The following SLCO6A1 variants were observed in gnomAD, a reference collection of about 807,000 sequenced individuals.
SLCO6A1 encodes the protein cancer/testis antigen 48.
In SLCO6A1, 65 loss-of-function variants were observed where a neutral mutation model predicts 72.7. The observed-to-expected ratio is 0.89, with a 90% CI of 0.73 to 1.10. SLCO6A1 has a LOEUF of 1.10. SLCO6A1 is among the 50% of genes least tolerant of loss of function. SLCO6A1 has a pLI of 0.00. For synonymous variants in SLCO6A1, 314 were observed against 298.2 expected, an observed-to-expected ratio of 1.05 and a Z score of -0.55; for missense variants, 874 against 872.6, an observed-to-expected ratio of 1.00 and a Z score of -0.02.
chr5:102,409,630 T>C (rs1275831119), intron 9 of SLCO6A1, among the ~76,000 whole-genome samples: 1 of 152,204 alleles, frequency 6.6e-6, no homozygotes, highest in African/African-American at 2.4e-5. Context: ...AGGCTAATTG[T>C]CCTATTAGGC....
chr5:102,494,034 T>C (rs1215214825), intron 1 of SLCO6A1, among the ~76,000 whole-genome samples: 2 of 152,156 alleles, frequency 1.3e-5, no homozygotes, highest in South Asian at 2.1e-4. Flanking sequence ...TTTTAATGCA[T>C]ATAATAAAGC....
intron 1 of SLCO6A1, among the ~76,000 whole-genome samples, chr5:102,491,445 G>A (rs902057458): frequency 1.3e-5 from 2 of 152,202 alleles, no homozygotes; most frequent in Non-Finnish European, 2.9e-5. Context: ...GCAGGGGGCG[G>A]CACTCGTTGG....
intron 12 of SLCO6A1, among the ~76,000 whole-genome samples, chr5:102,377,029 T>C (rs1177762829): frequency 6.6e-6 from 1 of 152,028 alleles, no homozygotes; most frequent in Non-Finnish European, 1.5e-5. Flanking sequence ...CCGGGCATGG[T>C]GGCATGGACC....
At chr5:102,424,074 A>G (rs1748756354) in intron 7 of SLCO6A1, among the ~76,000 whole-genome samples, 1 of 152,076 alleles carries the variant, frequency 6.6e-6, no homozygotes, top group African/African-American at 2.4e-5. Flanking sequence ...TTTAAAACCA[A>G]TGAGAACTAA....
intron 3 of SLCO6A1, among the ~76,000 whole-genome samples, chr5:102,476,106 G>T (rs759536516): frequency 6.6e-6 from 1 of 151,930 alleles, no homozygotes; most frequent in Non-Finnish European, 1.5e-5. Context: ...TGGGTATAGC[G>T]TACACTGCTT....
At chr5:102,404,304 G>C (rs1486148049) in intron 9 of SLCO6A1, among the ~76,000 whole-genome samples, 1 of 152,130 alleles carries the variant, frequency 6.6e-6, no homozygotes, top group Admixed American at 6.6e-5. Flanking sequence ...GACCATCCTG[G>C]CTAACATGGT....
chr5:102,399,341 AGTT>A (rs941041393), intron 10 of SLCO6A1, among the ~76,000 whole-genome samples: 4 of 152,116 alleles, frequency 2.6e-5, no homozygotes, highest in African/African-American at 9.7e-5. Flanking sequence ...TTTAAATTAA[AGTT>A]AAACAATGTG....
chr5:102,411,413 C>A (rs1374429196), intron 9 of SLCO6A1, among the ~76,000 whole-genome samples: 1 of 152,030 alleles, frequency 6.6e-6, no homozygotes, highest in Admixed American at 6.5e-5. Flanking sequence ...TACAGTCATG[C>A]ACCACCATGC....
rs187737131 is a variant in SLCO6A1, at chr5:102,429,710, C to T, written c.1276+8907G>A. On this transcript the variant is annotated intron_variant, in intron 7 of 13. Coordinates refer to ENST00000506729, the MANE Select transcript of SLCO6A1 (RefSeq NM_173488.5). ...GATGCTGTTTTGGTTACTGTAGCCCCGTAGTATAGTCTGAAGTTGGGTAAT... is the reference window on the plus strand; with the variant it reads ...GATGCTGTTTTGGTTACTGTAGCCCTGTAGTATAGTCTGAAGTTGGGTAAT... 3.1e-3 allele frequency among the ~76,000 whole-genome samples: 470 copies of T among 150,774 alleles called. 3 individuals are homozygous for T. Among genetic ancestry groups the T allele is most frequent in the African/African-American group, 0.011 (453 of 41,088 alleles).
chr5:102,493,558 A>AT (rs1422803577), intron 1 of SLCO6A1, among the ~76,000 whole-genome samples: 15 of 152,160 alleles, frequency 9.9e-5, no homozygotes, highest in Non-Finnish European at 1.9e-4. Context: ...GAAAGGCTGA[A>AT]TTTTTTCTAT....
intron 7 of SLCO6A1, among the ~76,000 whole-genome samples, chr5:102,434,662 G>C (rs1217759339): frequency 6.6e-6 from 1 of 152,168 alleles, no homozygotes; most frequent in Non-Finnish European, 1.5e-5. Context: ...TGCTAACAGA[G>C]ACGTGGCTTT....
At chr5:102,374,310 A>G (rs1580308579) in intron 12 of SLCO6A1, among the ~76,000 whole-genome samples, 1 of 152,112 alleles carries the variant, frequency 6.6e-6, no homozygotes, top group African/African-American at 2.4e-5. Context: ...TGCTTGGCCT[A>G]TTTTTCTTTT....
chr5:102,480,373 T>G lies in SLCO6A1; in HGVS notation c.420A>C (p.Lys140Asn), dbSNP rs776381244. The change falls in exon 2 of 14, where the codon AAA becomes AAC. Residue 140 changes from lysine to asparagine, a missense_variant. Transcript: ENST00000506729. Reference sequence around the variant, plus strand: ...TTTCCAATGCCAACTTCTCAATGGTTTTCAGTTGATATTCCTTCTGAAAAT... The same window carrying G: ...TTTCCAATGCCAACTTCTCAATGGTGTTCAGTTGATATTCCTTCTGAAAAT... Reference protein sequence around the residue: ...IGDFQKEYQLKTIEKLALEKS... With the variant: ...IGDFQKEYQLNTIEKLALEKS... 1 of 1,613,544 alleles carries G rather than the reference T, an allele frequency of 6.2e-7. No individual in the cohort carries two copies. Among genetic ancestry groups the G allele is most frequent in the Non-Finnish European group, 8.5e-7 (1 of 1,179,674 alleles).
At chr5:102,372,679 A>G (rs1274945780) in intron 13 of SLCO6A1, among the ~76,000 whole-genome samples, 2 of 151,222 alleles carry the variant, frequency 1.3e-5, no homozygotes, top group Admixed American at 6.6e-5. Flanking sequence ...ATCCAAGTGA[A>G]GGTAAAAAAA....
intron 1 of SLCO6A1, among the ~76,000 whole-genome samples, chr5:102,489,501 A>AT (rs912405826): frequency 7.2e-5 from 11 of 152,146 alleles, no homozygotes; most frequent in South Asian, 2.1e-4. Flanking sequence ...CATCAGATCT[A>AT]TTTTTTTTAA....
chr5:102,415,562 A>G (rs368752291), intron 8 of SLCO6A1, among the ~76,000 whole-genome samples: 21 of 152,146 alleles, frequency 1.4e-4, no homozygotes, highest in East Asian at 7.7e-4. Flanking sequence ...AGCACTCAAC[A>G]TGGATTAAAG....
At chr5:102,429,387 G>A (rs1749087233) in intron 7 of SLCO6A1, among the ~76,000 whole-genome samples, 1 of 152,158 alleles carries the variant, frequency 6.6e-6, no homozygotes, top group Admixed American at 6.5e-5. Flanking sequence ...CAGTTCCTAT[G>A]TGCAGAATGG....
intron 7 of SLCO6A1, among the ~76,000 whole-genome samples, chr5:102,435,267 G>A (rs1749465349): frequency 1.3e-5 from 2 of 152,108 alleles, no homozygotes; most frequent in African/African-American, 4.8e-5. Flanking sequence ...GTAAGCTTGT[G>A]GGTGGTACTC....
rs2123136 is a variant in SLCO6A1, at chr5:102,372,284, C to A, written c.*16-161G>T. 0.31 allele frequency among the ~76,000 whole-genome samples: 46,335 copies of A among 151,738 alleles called. 7,014 individuals are homozygous for A. Among genetic ancestry groups the A allele is most frequent in the African/African-American group, 0.33 (13,762 of 41,410 alleles). On this transcript the variant is annotated intron_variant, in intron 13 of 13. Coordinates refer to ENST00000506729, the MANE Select transcript of SLCO6A1 (RefSeq NM_173488.5). ...CCTGCTTCACATTTTCTTCTGCTAG[C>A]CACGACCATGAATAGGGCAATGTCT...
Sources: gnomAD v4.1 joint callset for allele counts (sites outside exome capture counted in the v4.1 genomes callset) on GRCh38, gnomAD v4.1.1 for gene constraint, MANE v1.5 for transcripts, NCBI Gene and HGNC (gene_info 2026-07-23, HGNC 2026-07-21) for gene names.